BTAF1: variants seen among roughly 807,000 people sequenced by gnomAD.
BTAF1 encodes the protein B-TFIID TATA-box binding protein associated factor 1.
Under a neutral mutation model 227.1 loss-of-function variants are expected in BTAF1, and 38 were observed. That is an observed-to-expected ratio of 0.17 (90% confidence interval 0.13 to 0.22). BTAF1 has a LOEUF of 0.22. BTAF1 is among the 10% of genes least tolerant of loss of function. The pLI is 1.00. For missense variants in BTAF1, 1,598 were observed against 2,204.0 expected, an observed-to-expected ratio of 0.73 and a Z score of 5.51; for synonymous variants, 742 against 751.9, an observed-to-expected ratio of 0.99 and a Z score of 0.21.
chr10:91,958,405 A>G (rs1286686964), intron 8 of BTAF1, among the ~76,000 whole-genome samples: 1 of 152,068 alleles, frequency 6.6e-6, no homozygotes, highest in Non-Finnish European at 1.5e-5. Flanking sequence ...TGTTGGGATT[A>G]TAAAGAACAC....
chr10:91,971,875 A>G (rs1387511656), intron 14 of BTAF1, among the ~76,000 whole-genome samples: 2 of 151,858 alleles, frequency 1.3e-5, no homozygotes, highest in African/African-American at 4.8e-5. Context: ...AGGGAATTGT[A>G]TGAAACAGCA....
At chr10:91,980,704 C>T (rs945520976) in intron 15 of BTAF1, 146 bp downstream of exon 15, 2 of 643,084 alleles carry the variant, frequency 3.1e-6, no homozygotes, top group African/African-American at 3.7e-5. Context: ...GAGAACTAGG[C>T]TTCTTACATG....
Position 91,970,648 on chromosome 10 carries a change from A to G in BTAF1, c.1650+3891A>G, listed in dbSNP as rs1254232515. On this transcript the variant is annotated intron_variant, in intron 14 of 37. Transcript: ENST00000265990. ...ACAACACATGGGAATTATGGGAGCT[A>G]CAAGATGAGATTTGGATGGGGACAC... Among the ~76,000 whole-genome samples the G allele has an allele frequency of 2.6e-5, 4 of 152,238 alleles. No individual in the cohort carries two copies. In the East Asian group the frequency reaches 5.8e-4, roughly 22 times the overall value.
rs1851853170 is a variant in BTAF1 at position 92,030,908 on chromosome 10, C to CCAGT, written c.*1978_*1981dup. Among the ~76,000 whole-genome samples the CCAGT allele has an allele frequency of 6.6e-6, 1 of 151,858 alleles. No homozygotes were observed. Among genetic ancestry groups the CCAGT allele is most frequent in the Non-Finnish European group, 1.5e-5 (1 of 67,930 alleles). On this transcript the variant is annotated 3_prime_UTR_variant, in exon 38 of 38. Transcript: ENST00000265990. ...AACTAAGTATTCTTAATTAAATGAC[C>CCAGT]CAGTCATTGTAGTACATCTTAAGAA... is the stretch of plus-strand genomic sequence containing the variant.
intron 24 of BTAF1, chr10:91,997,057 C>CT: frequency 8.1e-7 from 1 of 1,237,930 alleles, no homozygotes; most frequent in Non-Finnish European, 1.1e-6. Context: ...AGCTAACATT[C>CT]TTTAACTCAA....
chr10:91,956,637 A>G lies in BTAF1; in HGVS notation c.811A>G (p.Ser271Gly), dbSNP rs778296572. The change falls in exon 7 of 38, where the codon AGC (serine) becomes GGC (glycine). Residue 271 changes from serine (S) to glycine (G), a missense_variant. This residue lies in a region of BTAF1 where 298 missense variants were observed against 395.2 expected (regional missense o/e 0.75). Transcript: ENST00000265990. ...SKVLIDNIPDSSSLIEETNEW... is the reference protein window; with the variant it reads ...SKVLIDNIPDGSSLIEETNEW... ...AGTCTTGATTGATAATATTCCAGACAGCTCTTCCTTAATTGAAGAGGTACT... is the reference window on the plus strand; with the variant it reads ...AGTCTTGATTGATAATATTCCAGACGGCTCTTCCTTAATTGAAGAGGTACT... 4 of 1,610,432 alleles carry G rather than the reference A, an allele frequency of 2.5e-6. No individual in the cohort carries two copies. The East Asian group carries it at 9.0e-5, about 36-fold the overall frequency.
intron 9 of BTAF1, chr10:91,959,396 A>G: frequency 1.4e-6 from 1 of 690,378 alleles, no homozygotes; most frequent in Non-Finnish European, 2.1e-6. Flanking sequence ...AGTATAAATA[A>G]TAGATATATG....
At chr10:92,005,817 T>C (rs1260857617) in intron 25 of BTAF1, among the ~76,000 whole-genome samples, 3 of 152,114 alleles carry the variant, frequency 2.0e-5, no homozygotes, top group Admixed American at 2.0e-4. Context: ...AAGAGTGACA[T>C]TGCATTATAC....
At position 91,982,111 on chromosome 10, in the gene BTAF1, G is replaced by A. The variant is rs1848108342; in HGVS notation, c.1934G>A (p.Gly645Asp). 1 of 1,613,450 alleles carries A rather than the reference G, an allele frequency of 6.2e-7. No homozygotes were observed. The highest frequency in any genetic ancestry group is 1.3e-5 in the African/African-American group (1 of 74,914). Residue 645 changes from glycine to aspartate, a missense_variant, in exon 17 of 38, where the codon GGC becomes GAC. This residue lies in a region of BTAF1 where 318 missense variants were observed against 435.0 expected (regional missense o/e 0.73). Coordinates refer to ENST00000265990, the MANE Select transcript of BTAF1 (RefSeq NM_003972.3). ...AAAACAGGTGGTAAGGTGCGCCAAG[G>A]CCAAAGCCAGAATAAAGAAGTACTT... Reference protein sequence around the residue: ...KEKTGGKVRQGQSQNKEVLQE... With the variant: ...KEKTGGKVRQDQSQNKEVLQE...
At chr10:91,965,912 A>G (rs952348418) in intron 13 of BTAF1, among the ~76,000 whole-genome samples, 12 of 152,190 alleles carry the variant, frequency 7.9e-5, no homozygotes, top group African/African-American at 2.7e-4. Flanking sequence ...ATACAGTGGC[A>G]TATTATTTTT....
At chr10:92,016,227 C>T in intron 32 of BTAF1, 113 bp from the exon 33 acceptor site, 1 of 1,285,698 alleles carries the variant, frequency 7.8e-7, no homozygotes, top group South Asian at 1.6e-5. Context: ...AATTTGTTTT[C>T]ATTAATGAGG....
intron 14 of BTAF1, among the ~76,000 whole-genome samples, chr10:91,972,411 T>G (rs1249141202): frequency 1.3e-5 from 2 of 152,186 alleles, no homozygotes; most frequent in Non-Finnish European, 2.9e-5. Context: ...AAATTTTAGC[T>G]CCGTTTCTTC....
chr10:91,983,264 T>C (rs1848188394), intron 18 of BTAF1, among the ~76,000 whole-genome samples: 1 of 152,242 alleles, frequency 6.6e-6, no homozygotes, highest in Non-Finnish European at 1.5e-5. Context: ...CCAGCCTCTT[T>C]AACCGTTAAC....
chr10:91,936,944 C>T (rs927996614), intron 2 of BTAF1, among the ~76,000 whole-genome samples: 2 of 152,132 alleles, frequency 1.3e-5, no homozygotes, highest in Admixed American at 6.6e-5. Flanking sequence ...TTGCCTTTAG[C>T]ACTGTCTCAC....
At chr10:91,939,852 A>C (rs1027441620) in intron 2 of BTAF1, 100 bp from the exon 3 acceptor site, 2 of 665,452 alleles carry the variant, frequency 3.0e-6, no homozygotes, top group Non-Finnish European at 5.1e-6. Context: ...ATGGCTGCCA[A>C]ATTACACATT....
At chr10:92,025,122 T>C (rs143265398) in intron 35 of BTAF1, among the ~76,000 whole-genome samples, 155 bp downstream of exon 35, 10 of 152,114 alleles carry the variant, frequency 6.6e-5, no homozygotes, top group African/African-American at 2.4e-4. Context: ...ACTATAGAAC[T>C]ACATAAATAT....
chr10:92,001,985 T>TAC (rs71025380), intron 25 of BTAF1, among the ~76,000 whole-genome samples: 98 of 73,284 alleles, frequency 1.3e-3, no homozygotes, highest in African/African-American at 1.6e-3. Flanking sequence ...TATATATATA[T>TAC]ACACACACAC....
intron 1 of BTAF1, among the ~76,000 whole-genome samples, chr10:91,925,163 G>T (rs556441484): frequency 2.3e-4 from 35 of 152,268 alleles, no homozygotes; most frequent in African/African-American, 7.9e-4. Context: ...GAAGGGGGTT[G>T]CTAGGTACCG....
At chr10:91,977,299 G>A (rs1055870527) in intron 14 of BTAF1, among the ~76,000 whole-genome samples, 1 of 152,170 alleles carries the variant, frequency 6.6e-6, no homozygotes, top group Admixed American at 6.5e-5. Flanking sequence ...CATTTCCATA[G>A]TTTTGCCTTT....
Sources: gnomAD v4.1 joint callset for allele counts (sites outside exome capture counted in the v4.1 genomes callset) on GRCh38, gnomAD v4.1.1 for gene constraint, gnomAD v4.1.1 regional missense constraint, MANE v1.5 for transcripts, NCBI Gene and HGNC (gene_info 2026-07-23, HGNC 2026-07-21) for gene names.